KCNT2: variants seen among roughly 807,000 people sequenced by gnomAD.
The protein encoded by KCNT2 is potassium sodium-activated channel subfamily T member 2, also known as potassium channel subfamily T member 2.
Under a neutral mutation model 153.8 loss-of-function variants are expected in KCNT2, and 67 were observed. That is an observed-to-expected ratio of 0.44 (90% CI 0.36 to 0.53). KCNT2 has a LOEUF of 0.53. KCNT2 is among the 20% of genes least tolerant of loss of function. The pLI, the probability that KCNT2 is intolerant of heterozygous loss-of-function variation, is 0.00. For synonymous variants in KCNT2, 500 were observed against 458.8 expected (o/e 1.09, Z -1.15); for missense variants, 975 against 1,354.8 (o/e 0.72, Z 4.40).
chr1:196,499,323 T>C (rs1258018645), intron 1 of KCNT2, among the ~76,000 whole-genome samples: 1 of 152,234 alleles, frequency 6.6e-6, no homozygotes, highest in Non-Finnish European at 1.5e-5. Flanking sequence ...AAATACAGTC[T>C]TTTTCTATAA....
chr1:196,411,059 CTCCTTCCTTCCTTCCT>C (rs147825662), intron 12 of KCNT2, among the ~76,000 whole-genome samples: 5,164 of 94,908 alleles, frequency 0.054, 337 homozygotes, highest in East Asian at 0.28. Context: ...CCTCTATTCC[CTCCTTCCTTCCTTCCT>C]TCCTTCCTTC....
intron 11 of KCNT2, among the ~76,000 whole-genome samples, chr1:196,423,736 C>CAAAA (rs57296160): frequency 6.7e-6 from 1 of 149,042 alleles, no homozygotes; most frequent in Non-Finnish European, 1.5e-5. Flanking sequence ...AAATATTTTC[C>CAAAA]AAAAAAAAAA....
intron 2 of KCNT2, among the ~76,000 whole-genome samples, chr1:196,491,770 A>T (rs1369073831): frequency 1.3e-5 from 2 of 152,016 alleles, no homozygotes; most frequent in Admixed American, 1.3e-4. Flanking sequence ...TTCCTGGCTC[A>T]AAATCTCTAG....
At chr1:196,586,950 A>G (rs1412952128) in intron 1 of KCNT2, among the ~76,000 whole-genome samples, 2 of 152,086 alleles carry the variant, frequency 1.3e-5, no homozygotes, top group Admixed American at 1.3e-4. Context: ...TTGACTCTCT[A>G]AAACTCAATT....
At chr1:196,353,053 T>C (rs1209870288) in intron 14 of KCNT2, among the ~76,000 whole-genome samples, 2 of 152,250 alleles carry the variant, frequency 1.3e-5, no homozygotes, top group East Asian at 1.9e-4. Flanking sequence ...TTGATTGCAC[T>C]GTGGTCTTTT....
chr1:196,433,724 T>A (rs1403842147), intron 8 of KCNT2, among the ~76,000 whole-genome samples: 1 of 152,068 alleles, frequency 6.6e-6, no homozygotes, highest in African/African-American at 2.4e-5. Context: ...ATGTTTACTT[T>A]CCAGAAGTTC....
chr1:196,317,520 C>T (rs1418524031), intron 20 of KCNT2, among the ~76,000 whole-genome samples: 1 of 151,676 alleles, frequency 6.6e-6, no homozygotes, highest in Non-Finnish European at 1.5e-5. Context: ...TATGTCTTCA[C>T]ACCACCTTAT....
chr1:196,493,857 T>A (rs1680045092), intron 1 of KCNT2, among the ~76,000 whole-genome samples: 1 of 151,342 alleles, frequency 6.6e-6, no homozygotes. Flanking sequence ...GTTATCATAT[T>A]CTGACTTACT....
At chr1:196,595,191 A>G (rs1202876311) in intron 1 of KCNT2, among the ~76,000 whole-genome samples, 1 of 152,144 alleles carries the variant, frequency 6.6e-6, no homozygotes, top group African/African-American at 2.4e-5. Context: ...GGAATTTGAA[A>G]AAAATAGTAC....
chr1:196,545,894 A>T (rs1032390126), intron 1 of KCNT2, among the ~76,000 whole-genome samples: 5 of 151,880 alleles, frequency 3.3e-5, no homozygotes, highest in African/African-American at 4.8e-5. Context: ...ATCATACTTG[A>T]TTTATTTTTA....
At chr1:196,453,959 A>T (rs374193205) in intron 8 of KCNT2, among the ~76,000 whole-genome samples, 174 of 151,936 alleles carry the variant, frequency 1.1e-3, no homozygotes, top group African/African-American at 4.1e-3. Flanking sequence ...AATGCATTGC[A>T]TAATTCACAG....
intron 13 of KCNT2, among the ~76,000 whole-genome samples, chr1:196,373,850 C>T (rs1051772731): frequency 6.6e-6 from 1 of 151,752 alleles, no homozygotes; most frequent in African/African-American, 2.4e-5. Flanking sequence ...CTCCAAATTC[C>T]TAAAAGTCAT....
chr1:196,293,508 T>C (rs187016324), intron 22 of KCNT2, among the ~76,000 whole-genome samples: 89 of 152,274 alleles, frequency 5.8e-4, no homozygotes, highest in Admixed American at 2.5e-3. Context: ...CATGAATTAA[T>C]GGCCTATTGA....
chr1:196,453,491 A>G (rs1572507904), intron 8 of KCNT2, among the ~76,000 whole-genome samples: 2 of 151,960 alleles, frequency 1.3e-5, no homozygotes, highest in South Asian at 2.1e-4. Context: ...GAGTACTTCT[A>G]TAATGTTGCC....
chr1:196,593,295 A>AATATATATATAT (rs200795914), intron 1 of KCNT2, among the ~76,000 whole-genome samples: 23 of 128,816 alleles, frequency 1.8e-4, no homozygotes, highest in African/African-American at 6.1e-4. Flanking sequence ...TCATATATAT[A>AATATATATATAT]ATATATATAT....
intron 1 of KCNT2, among the ~76,000 whole-genome samples, chr1:196,553,659 C>T (rs964739311): frequency 6.6e-6 from 1 of 151,020 alleles, no homozygotes; most frequent in Non-Finnish European, 1.5e-5. Flanking sequence ...ATTTACAGAA[C>T]ACTTCATCCA....
intron 8 of KCNT2, among the ~76,000 whole-genome samples, chr1:196,430,956 T>A (rs1674099774): frequency 6.6e-6 from 1 of 152,144 alleles, no homozygotes; most frequent in Non-Finnish European, 1.5e-5. Context: ...GCAACATTAT[T>A]CAGAGGTGGG....
chr1:196,401,657 A>G (rs774659079), intron 12 of KCNT2, among the ~76,000 whole-genome samples: 5 of 151,680 alleles, frequency 3.3e-5, no homozygotes, highest in Non-Finnish European at 1.5e-5. Context: ...CAAAGAGAAA[A>G]GGTAAGGAAA....
chr1:196,358,103 G>A (rs1450120192), intron 14 of KCNT2, among the ~76,000 whole-genome samples: 1 of 151,278 alleles, frequency 6.6e-6, no homozygotes, highest in African/African-American at 2.4e-5. Flanking sequence ...CTCTCTTGGT[G>A]GAGCTGCTAC....
Sources: allele counts gnomAD v4.1 joint callset (sites outside exome capture counted in the v4.1 genomes callset), GRCh38; gene constraint gnomAD v4.1.1; transcripts MANE v1.5; gene names NCBI Gene and HGNC (gene_info 2026-07-23, HGNC 2026-07-21).